AGK: variants seen among roughly 807,000 people sequenced by gnomAD.
AGK encodes the protein acylglycerol kinase, also known as acylglycerol kinase, mitochondrial.
A neutral mutation model predicts 66.4 loss-of-function variants in AGK; 52 were observed. The ratio of observed to expected loss-of-function variants is 0.78; its 90% CI spans 0.63 to 0.99. The LOEUF is 0.99. Among genes scored for constraint, AGK ranks in the 50% least tolerant of loss-of-function variants. AGK has a pLI of 0.00. For missense variants in AGK, 451 were observed against 506.6 expected, an observed-to-expected ratio of 0.89 and a Z score of 1.05; for synonymous variants, 182 against 181.1, an observed-to-expected ratio of 1.00 and a Z score of -0.04.
At chr7:141,617,899 T>C (rs1323612149) in intron 8 of AGK, among the ~76,000 whole-genome samples, 1 of 152,190 alleles carries the variant, frequency 6.6e-6, no homozygotes, top group Non-Finnish European at 1.5e-5. Context: ...CAAATTAAAC[T>C]TGTGAGCATG....
intron 8 of AGK, chr7:141,616,358 T>C (rs1796701367): frequency 6.6e-6 from 1 of 152,184 alleles, no homozygotes; most frequent in Non-Finnish European, 1.5e-5. Context: ...TAAATAAATA[T>C]TTGTTGCATG....
chr7:141,588,932 A>G (rs2116913363), intron 2 of AGK, among the ~76,000 whole-genome samples: 1 of 152,172 alleles, frequency 6.6e-6, no homozygotes, highest in South Asian at 2.1e-4. Flanking sequence ...ACTAGAGATC[A>G]CTCTCATCGC....
chr7:141,625,347 T>TTTTA lies in AGK; in HGVS notation c.588+3562_588+3565dup, dbSNP rs1206374954. Among the ~76,000 whole-genome samples, 11 of 152,216 alleles carry TTTTA rather than the reference T, an allele frequency of 7.2e-5. No homozygotes were observed. The East Asian group carries it at 1.4e-3, about 19-fold the overall frequency. On this transcript the variant is annotated intron_variant, in intron 9 of 15. Coordinates refer to ENST00000649286, the MANE Select transcript of AGK (RefSeq NM_018238.4). Reference sequence around the variant, plus strand: ...TGAAATGCTATTTTTAGTTCCTTTATTTTATTTATTTATTTATTTTTGGAC... The same window carrying TTTTA: ...TGAAATGCTATTTTTAGTTCCTTTATTTTATTTATTTATTTATTTATTTTTGGAC...
chr7:141,614,701 C>G (rs1258635462), intron 7 of AGK, among the ~76,000 whole-genome samples: 1 of 152,040 alleles, frequency 6.6e-6, no homozygotes, highest in Non-Finnish European at 1.5e-5. Context: ...TCACACCAAC[C>G]TCAGGATAAT....
chr7:141,590,730 C>T (rs1246227466), intron 2 of AGK, among the ~76,000 whole-genome samples: 1 of 152,164 alleles, frequency 6.6e-6, no homozygotes, highest in Admixed American at 6.5e-5. Context: ...CCTGAATTTA[C>T]CTCATCTTGT....
At chr7:141,553,805 C>T (rs1461022765) in intron 1 of AGK, among the ~76,000 whole-genome samples, 3 of 152,098 alleles carry the variant, frequency 2.0e-5, no homozygotes, top group Non-Finnish European at 4.4e-5. Flanking sequence ...TGTTTCTACC[C>T]TTGAGAGGAA....
At chr7:141,647,235 G>A (rs370795641) in intron 13 of AGK, among the ~76,000 whole-genome samples, 7 of 152,132 alleles carry the variant, frequency 4.6e-5, no homozygotes, top group African/African-American at 1.7e-4. Context: ...CAACACGGCA[G>A]CCAGAGTGAT....
At chr7:141,570,608 G>A (rs1325976391) in intron 2 of AGK, among the ~76,000 whole-genome samples, 1 of 150,126 alleles carries the variant, frequency 6.7e-6, no homozygotes, top group Non-Finnish European at 1.5e-5. Flanking sequence ...CACTAATTTT[G>A]TTTCATCTAT....
At chr7:141,552,751 C>T (rs1479861757) in intron 1 of AGK, among the ~76,000 whole-genome samples, 2 of 152,164 alleles carry the variant, frequency 1.3e-5, no homozygotes, top group Non-Finnish European at 2.9e-5. Context: ...GTATAAGACC[C>T]TTCAGTGAGA....
rs1797296918 is a variant in AGK at position 141,641,794 on chromosome 7, C to T, written c.878-17C>T. Reference sequence around the variant, plus strand: ...GTTAATGGAAGAAACTGACCTGTATCTAATGGATTCCCACAGCCCTTTCCC... The same window carrying T: ...GTTAATGGAAGAAACTGACCTGTATTTAATGGATTCCCACAGCCCTTTCCC... On this transcript the variant is annotated splice_polypyrimidine_tract_variant and intron_variant, in intron 12 of 15. Transcript: ENST00000649286. 1 of 1,559,752 alleles carries T rather than the reference C, an allele frequency of 6.4e-7. No homozygotes were observed. The highest frequency in any genetic ancestry group is 1.4e-5 in the African/African-American group (1 of 73,922).
chr7:141,627,388 G>A (rs996673904), intron 9 of AGK, among the ~76,000 whole-genome samples: 3 of 152,054 alleles, frequency 2.0e-5, no homozygotes, highest in Non-Finnish European at 2.9e-5. Context: ...GCCTTAAAAT[G>A]TACCAGCTAC....
intron 2 of AGK, among the ~76,000 whole-genome samples, chr7:141,563,043 T>A (rs1276068097): frequency 6.6e-6 from 1 of 152,212 alleles, no homozygotes; most frequent in Non-Finnish European, 1.5e-5. Flanking sequence ...CAGAGGTGGG[T>A]TTTCCCCCCT....
chr7:141,605,861 C>T (rs71545330), intron 5 of AGK, among the ~76,000 whole-genome samples: 1 of 152,270 alleles, frequency 6.6e-6, no homozygotes, highest in East Asian at 1.9e-4. Context: ...GACATGAAAG[C>T]TCCAAGACAA....
At chr7:141,572,304 A>C (rs1217059815) in intron 2 of AGK, among the ~76,000 whole-genome samples, 4 of 152,222 alleles carry the variant, frequency 2.6e-5, no homozygotes, top group Non-Finnish European at 4.4e-5. Context: ...AAAGGTAATA[A>C]AGGCCTAAAC....
chr7:141,593,387 G>T, intron 3 of AGK: 1 of 704,498 alleles, frequency 1.4e-6, no homozygotes, highest in South Asian at 1.5e-5. Flanking sequence ...CAGTTCTGAC[G>T]CCCACCCCTA....
chr7:141,559,825 G>A (rs1253194809), intron 2 of AGK, among the ~76,000 whole-genome samples: 1 of 152,066 alleles, frequency 6.6e-6, no homozygotes, highest in East Asian at 1.9e-4. Flanking sequence ...TTATTCCTAA[G>A]TATTTTATTC....
chr7:141,637,104 T>A, intron 11 of AGK, 87 bp downstream of exon 11: 2 of 1,062,026 alleles, frequency 1.9e-6, no homozygotes, highest in African/African-American at 3.2e-5. Flanking sequence ...TTTTAATTCC[T>A]TGCTACAGAT....
chr7:141,589,563 A>ATT (rs111279199), intron 2 of AGK, among the ~76,000 whole-genome samples: 4 of 144,684 alleles, frequency 2.8e-5, no homozygotes, highest in Non-Finnish European at 6.1e-5. Flanking sequence ...GTTAAGTATG[A>ATT]TTTTTTTTTT....
chr7:141,595,623 A>C (rs2116925721), intron 3 of AGK, among the ~76,000 whole-genome samples: 1 of 152,226 alleles, frequency 6.6e-6, no homozygotes, highest in Middle Eastern at 3.4e-3. Flanking sequence ...GTACTTCCAT[A>C]CTAGAATTCT....
Sources: allele counts gnomAD v4.1 joint callset (sites outside exome capture counted in the v4.1 genomes callset), GRCh38; gene constraint gnomAD v4.1.1; transcripts MANE v1.5; gene names NCBI Gene and HGNC (gene_info 2026-07-23, HGNC 2026-07-21).